Variants in NAB1 observed in about 807,000 individuals in gnomAD.
NAB1 encodes the protein NGFI-A binding protein 1, also known as NGFI-A-binding protein 1.
A neutral mutation model predicts 49.9 loss-of-function variants in NAB1; 25 were observed. The ratio of observed to expected loss-of-function variants is 0.50; its 90% confidence interval spans 0.37 to 0.70. The LOEUF (loss-of-function observed/expected upper bound fraction) is 0.70, where lower values mean the gene tolerates loss of function less well. Ranked by LOEUF, NAB1 falls within the 30% of genes least tolerant of loss-of-function variation. NAB1 has a pLI of 0.00. For synonymous variants in NAB1, 198 were observed against 215.6 expected, an observed-to-expected ratio of 0.92 and a Z score of 0.71; for missense variants, 489 against 575.9, an observed-to-expected ratio of 0.85 and a Z score of 1.54.
Position 190,670,365 on chromosome 2 carries a change from G to C in NAB1, c.859G>C (p.Asp287His). ...NEAAAQLCVK[D>H]NALLTRRDEL... ...AGCGGCTGCTCAACTCTGTGTGAAG[G>C]ATAATGCCCTGCTGACAAGAAGAGA... Residue 287 changes from aspartate to histidine, a missense_variant, in exon 5 of 10, where the codon GAT becomes CAT. This residue lies in a region of NAB1 where 38 missense variants were observed against 70.1 expected (regional missense o/e 0.54). Coordinates refer to ENST00000337386, the MANE Select transcript of NAB1 (RefSeq NM_005966.4). The surrounding 1 kb of genome is among the most constrained non-coding windows in gnomAD (Gnocchi z 5.3). 1 of 1,614,022 alleles carries C rather than the reference G, an allele frequency of 6.2e-7. No individual in the cohort carries two copies. The highest frequency in any genetic ancestry group is 8.5e-7 in the Non-Finnish European group (1 of 1,179,926).
rs1694728378 is a variant in NAB1, at chr2:190,670,077, A to AGG, written c.820-249_820-248insGG. On this transcript the variant is annotated intron_variant, in intron 4 of 9. Transcript: ENST00000337386. The surrounding 1 kb of genome is among the most constrained non-coding windows in gnomAD (Gnocchi z 5.3). Reference sequence around the variant, plus strand: ...TCTATAAACTCTCCTATCTAACCAAAAAAAGGATATAAATAAATAAAATCA... The same window carrying AGG: ...TCTATAAACTCTCCTATCTAACCAAAGGAAAAGGATATAAATAAATAAAATCA... Among the ~76,000 whole-genome samples the AGG allele has an allele frequency of 6.6e-6, 1 of 152,172 alleles. No individual in the cohort carries two copies. Among genetic ancestry groups the AGG allele is most frequent in the African/African-American group, 2.4e-5 (1 of 41,438 alleles).
chr2:190,667,477 C>T lies in NAB1; in HGVS notation c.820-2849C>T, dbSNP rs1437213890. ...TTTGAATATCATTATTTAAAGTATA[C>T]ATTTCACTTTTAACTCCAATAACAT... On this transcript the variant is annotated intron_variant, in intron 4 of 9. Transcript: ENST00000337386. The surrounding 1 kb of genome is among the most constrained non-coding windows in gnomAD (Gnocchi z 4.4). 1.3e-5 allele frequency among the ~76,000 whole-genome samples: 2 copies of T among 152,188 alleles called. No individual in the cohort carries two copies.
intron 6 of NAB1, among the ~76,000 whole-genome samples, chr2:190,681,564 G>T (rs1019623182): frequency 1.3e-5 from 2 of 152,216 alleles, no homozygotes; most frequent in Non-Finnish European, 2.9e-5. Context: ...GAGCCAACAT[G>T]GAAACCTAGA....
In NAB1 at chr2:190,659,738, A is replaced by G; in HGVS notation, c.562A>G (p.Ser188Gly). The G allele has an allele frequency of 6.2e-7, 1 of 1,614,078 alleles. No homozygotes were observed. ...LGSPASPKES[S>G]EALDAAAALS... is the part of the protein sequence containing the mutation. ...CTCCCCCGCGTCCCCAAAGGAGAGC[A>G]GTGAGGCGCTGGATGCTGCTGCTGC... Residue 188 changes from serine to glycine, a missense_variant, in exon 4 of 10, where the codon AGT (serine) becomes GGT (glycine). Physicochemically the swap from Ser to Gly is moderately conservative, Grantham distance 56. Around this residue, in one of 4 missense-constraint regions of NAB1, gnomAD observed 204 missense variants for 220.9 expected, o/e 0.92. Transcript: ENST00000337386. The surrounding 1 kb of genome is among the most constrained non-coding windows in gnomAD (Gnocchi z 6.2).
In NAB1 at chr2:190,676,445, A is replaced by G. The variant is rs1695075236; in HGVS notation, c.1005+3293A>G. ...TTTCTATTTAAAGAAAGTAATATACAAGACTGAGCATGGTGGCTTATGACT... is the reference window on the plus strand; with the variant it reads ...TTTCTATTTAAAGAAAGTAATATACGAGACTGAGCATGGTGGCTTATGACT... On this transcript the variant is annotated intron_variant, in intron 6 of 9. Transcript: ENST00000337386. The surrounding 1 kb of genome is among the most constrained non-coding windows in gnomAD (Gnocchi z 4.6). Among the ~76,000 whole-genome samples the G allele has an allele frequency of 6.6e-6, 1 of 152,222 alleles. No individual in the cohort carries two copies. The highest frequency in any genetic ancestry group is 6.5e-5 in the Admixed American group (1 of 15,286).
Position 190,666,676 on chromosome 2 carries a change from G to C in NAB1, c.820-3650G>C, listed in dbSNP as rs745970121. Among the ~76,000 whole-genome samples the C allele has an allele frequency of 2.6e-4, 39 of 152,056 alleles. No individual in the cohort carries two copies. The highest frequency in any genetic ancestry group is 4.6e-4 in the Non-Finnish European group (31 of 67,992). On this transcript the variant is annotated intron_variant, in intron 4 of 9. Coordinates refer to ENST00000337386, the MANE Select transcript of NAB1 (RefSeq NM_005966.4). This position sits in a 1 kb window ranked among gnomAD's most constrained non-coding sequence, Gnocchi z 5.6. The stretch of plus-strand genomic sequence containing the variant: ...CCACTGCATTCCAGCCTGGGAGACA[G>C]AGTGAGACTCCATCTCAAAAAAAAA...
At chr2:190,650,611 A>G (rs1321412119) in intron 2 of NAB1, among the ~76,000 whole-genome samples, 1 of 152,216 alleles carries the variant, frequency 6.6e-6, no homozygotes, top group Non-Finnish European at 1.5e-5. Context: ...TATAAGAAGT[A>G]TGAGGAGAGA....
Position 190,686,397 on chromosome 2 carries a change from T to C in NAB1, c.1258+759T>C, listed in dbSNP as rs1260008836. On this transcript the variant is annotated intron_variant, in intron 8 of 9. Transcript: ENST00000337386. This position sits in a 1 kb window ranked among gnomAD's most constrained non-coding sequence, Gnocchi z 5.5. ...TATAGTGCCTCCTTTTTATATATTATTGTTATACTTTTCTAGAGAGTGGTT... is the reference window on the plus strand; with the variant it reads ...TATAGTGCCTCCTTTTTATATATTACTGTTATACTTTTCTAGAGAGTGGTT... 6.6e-6 allele frequency among the ~76,000 whole-genome samples: 1 copy of C among 152,178 alleles called. No individual in the cohort carries two copies. Among genetic ancestry groups the C allele is most frequent in the East Asian group, 1.9e-4 (1 of 5,202 alleles).
At chr2:190,687,580 G>C (rs941023436) in intron 9 of NAB1, among the ~76,000 whole-genome samples, 2 of 152,054 alleles carry the variant, frequency 1.3e-5, no homozygotes, top group African/African-American at 4.8e-5. Flanking sequence ...AATGCAAATA[G>C]TCCAAAATCT....
chr2:190,670,469 T>C lies in NAB1; in HGVS notation c.953+10T>C. ...CTTACAGAACCACCAAGTAAGTATT[T>C]AACTAATCGTCATTATTTTTGCATT... On this transcript the variant is annotated intron_variant, in intron 5 of 9. Coordinates refer to ENST00000337386, the MANE Select transcript of NAB1 (RefSeq NM_005966.4). This position sits in a 1 kb window ranked among gnomAD's most constrained non-coding sequence, Gnocchi z 5.3. 1 of 1,612,528 alleles carries C rather than the reference T, an allele frequency of 6.2e-7. No homozygotes were observed. The highest frequency in any genetic ancestry group is 8.5e-7 in the Non-Finnish European group (1 of 1,179,326).
rs925270905 is a variant in NAB1 at position 190,654,137 on chromosome 2, GAT to G, written c.-196-1838_-196-1837del. On this transcript the variant is annotated intron_variant, in intron 2 of 9. Transcript: ENST00000337386. This position sits in a 1 kb window ranked among gnomAD's most constrained non-coding sequence, Gnocchi z 5.6. ...TGAAACTTTGCTAGGAATAAATGGG[GAT>G]AAAAGAGTAATGAAACCTAATTCCT... Among the ~76,000 whole-genome samples the G allele has an allele frequency of 1.6e-4, 25 of 152,302 alleles. No homozygotes were observed. The highest frequency in any genetic ancestry group is 6.0e-4 in the African/African-American group (25 of 41,556).
rs903182382 is a variant in NAB1 at position 190,689,122 on chromosome 2, G to A, written c.1376-1123G>A. On this transcript the variant is annotated intron_variant, in intron 9 of 9. Coordinates refer to ENST00000337386, the MANE Select transcript of NAB1 (RefSeq NM_005966.4). This position sits in a 1 kb window ranked among gnomAD's most constrained non-coding sequence, Gnocchi z 4.3. ...ATTACAGGTGTGAGCCACTGTGCCC[G>A]GCCACCTTATTCTTTATTTTTAACT... Among the ~76,000 whole-genome samples, 9 of 152,052 alleles carry A rather than the reference G, an allele frequency of 5.9e-5. No individual in the cohort carries two copies. Among genetic ancestry groups the A allele is most frequent in the African/African-American group, 1.5e-4 (6 of 41,376 alleles).
chr2:190,682,074 G>A lies in NAB1; in HGVS notation c.1006-1664G>A, dbSNP rs1450499268. On this transcript the variant is annotated intron_variant, in intron 6 of 9. Coordinates refer to ENST00000337386, the MANE Select transcript of NAB1 (RefSeq NM_005966.4). The surrounding 1 kb of genome is among the most constrained non-coding windows in gnomAD (Gnocchi z 4.1). ...GATATTTTGTAGTTATAATGATCAT[G>A]AGCAATAAACAGTCAAAAAAAGAAA... Among the ~76,000 whole-genome samples, 1 of 152,076 alleles carries A rather than the reference G, an allele frequency of 6.6e-6. No homozygotes were observed. Among genetic ancestry groups the A allele is most frequent in the African/African-American group, 2.4e-5 (1 of 41,398 alleles).
chr2:190,690,429 C>G lies in NAB1; in HGVS notation c.*96C>G, dbSNP rs1194186591. ...CCTTAATAACCAGTGTTGCCTCATT[C>G]AGCTCAAACAGATTTCATAGCCAAA... On this transcript the variant is annotated 3_prime_UTR_variant, in exon 10 of 10. Transcript: ENST00000337386. The G allele has an allele frequency of 4.3e-6, 4 of 928,490 alleles. No homozygotes were observed. Among genetic ancestry groups the G allele is most frequent in the Non-Finnish European group, 6.8e-6 (4 of 584,966 alleles). 57.5% of individuals were successfully genotyped at this position (928,490 alleles called of 1,614,324 possible). A position where few individuals can be genotyped will look rare whatever the true frequency, so the allele number is the denominator to read the frequency against.
In NAB1 at chr2:190,685,473, T is replaced by C. The variant is rs1695560160; in HGVS notation, c.1096-3T>C. The C allele has an allele frequency of 6.2e-7, 1 of 1,604,934 alleles. No individual in the cohort carries two copies. The highest frequency in any genetic ancestry group is 1.3e-5 in the African/African-American group (1 of 74,520). ...CTGATTTGATTTTTGCTTTACTTAC[T>C]AGCAGCCTGAAAAGGTGATGGCAAA... On this transcript the variant is annotated splice_region_variant and splice_polypyrimidine_tract_variant and intron_variant, in intron 7 of 9. Coordinates refer to ENST00000337386, the MANE Select transcript of NAB1 (RefSeq NM_005966.4). This position sits in a 1 kb window ranked among gnomAD's most constrained non-coding sequence, Gnocchi z 4.5.
chr2:190,673,874 A>G (rs1694945427), intron 6 of NAB1, among the ~76,000 whole-genome samples: 1 of 152,330 alleles, frequency 6.6e-6, no homozygotes, highest in Non-Finnish European at 1.5e-5. Flanking sequence ...GTTTCTTACA[A>G]ATACTTTTTA....
At chr2:190,681,779 A>T (rs1036409899) in intron 6 of NAB1, among the ~76,000 whole-genome samples, 9 of 152,230 alleles carry the variant, frequency 5.9e-5, no homozygotes, top group African/African-American at 2.2e-4. Flanking sequence ...TGGAGAAATA[A>T]TTTATTGAAA....
Position 190,659,837 on chromosome 2 carries a change from CT to C in NAB1, c.662del (p.Leu221ArgfsTer2). ...PKSDLNEVKE[L>X]LKTNKKLAKM... is the part of the protein sequence containing the mutation. ...AAGTGACTTGAATGAAGTGAAAGAG[CT>C]GCTAAAAACCAACAAGAAGTTGGCC... is the stretch of plus-strand genomic sequence containing the variant. On this transcript the variant is annotated frameshift_variant, in exon 4 of 10. Transcript: ENST00000337386. LOFTEE classifies it high-confidence loss of function. The surrounding 1 kb of genome is among the most constrained non-coding windows in gnomAD (Gnocchi z 6.2). The C allele has an allele frequency of 6.2e-7, 1 of 1,614,202 alleles. No individual in the cohort carries two copies. The highest frequency in any genetic ancestry group is 8.5e-7 in the Non-Finnish European group (1 of 1,180,034).
chr2:190,650,516 C>T (rs764917093), intron 2 of NAB1, among the ~76,000 whole-genome samples: 1 of 152,214 alleles, frequency 6.6e-6, no homozygotes, highest in African/African-American at 2.4e-5. Flanking sequence ...CACGCAATGA[C>T]TTACCTTCCT....
Sources: gnomAD v4.1 joint callset for allele counts (sites outside exome capture counted in the v4.1 genomes callset) on GRCh38, gnomAD v4.1.1 for gene constraint, gnomAD v4.1.1 regional missense constraint, Gnocchi (gnomAD v3.1) non-coding constraint, MANE v1.5 for transcripts, NCBI Gene and HGNC (gene_info 2026-07-23, HGNC 2026-07-21) for gene names.